NALCN: variants seen among roughly 807,000 people sequenced by gnomAD.
The protein encoded by NALCN is sodium leak channel NALCN.
In NALCN, 111 loss-of-function variants were observed where a neutral mutation model predicts 225.3. The observed-to-expected ratio is 0.49, with a 90% CI of 0.42 to 0.58. The LOEUF (loss-of-function observed/expected upper bound fraction) is 0.58. Among genes scored for constraint, NALCN ranks in the 20% least tolerant of loss-of-function variants. The probability of loss-of-function intolerance (pLI) is 0.00; values close to 1 mark genes in which losing one functional copy is unlikely to be tolerated. For synonymous variants in NALCN, 764 were observed against 769.0 expected (o/e 0.99, Z 0.11); for missense variants, 1,378 against 2,202.4 (o/e 0.63, Z 7.49).
intron 10 of NALCN, among the ~76,000 whole-genome samples, chr13:101,265,788 T>C (rs2042576331): frequency 6.6e-6 from 1 of 152,152 alleles, no homozygotes. Flanking sequence ...ATCTTAGACA[T>C]TGTGAGCCCA....
chr13:101,106,870 C>T (rs2035143076), intron 22 of NALCN, among the ~76,000 whole-genome samples: 1 of 152,140 alleles, frequency 6.6e-6, no homozygotes, highest in Non-Finnish European at 1.5e-5. Context: ...TGGACTCATA[C>T]AGGTATGCTT....
At chr13:101,348,623 A>G (rs1323185936) in intron 6 of NALCN, among the ~76,000 whole-genome samples, 1 of 152,170 alleles carries the variant, frequency 6.6e-6, no homozygotes, top group African/African-American at 2.4e-5. Context: ...TAATTTATAA[A>G]TATTAGAGTA....
At chr13:101,388,871 T>C (rs2047064002) in intron 3 of NALCN, among the ~76,000 whole-genome samples, 1 of 152,252 alleles carries the variant, frequency 6.6e-6, no homozygotes, top group African/African-American at 2.4e-5. Flanking sequence ...GATCTTTCAA[T>C]GCATGGGCAA....
chr13:101,291,349 T>C (rs2139045177), intron 9 of NALCN, among the ~76,000 whole-genome samples: 1 of 152,214 alleles, frequency 6.6e-6, no homozygotes, highest in East Asian at 1.9e-4. Context: ...AATTCCATAG[T>C]GGTTGCATTT....
Position 101,278,277 on chromosome 13 carries a change from C to T in NALCN, c.1134+5656G>A, listed in dbSNP as rs1449988326. On this transcript the variant is annotated intron_variant, in intron 10 of 43. Coordinates refer to ENST00000251127, the MANE Select transcript of NALCN (RefSeq NM_052867.4). ...CAGTGGCTCACACCTGTAATCCCAG[C>T]ACTTTGGGAGGCCGAGGTGGGCGGA... is the stretch of plus-strand genomic sequence containing the variant. Among the ~76,000 whole-genome samples, 5 of 152,082 alleles carry T rather than the reference C, an allele frequency of 3.3e-5. No individual in the cohort carries two copies. In the East Asian group the frequency reaches 9.6e-4, roughly 29 times the overall value.
chr13:101,250,031 T>A (rs1270154882), intron 11 of NALCN, among the ~76,000 whole-genome samples: 1 of 152,100 alleles, frequency 6.6e-6, no homozygotes. Context: ...TGTAGTAAAG[T>A]TGCTGGCTAT....
intron 7 of NALCN, among the ~76,000 whole-genome samples, chr13:101,315,808 A>G (rs989248530): frequency 1.3e-5 from 2 of 152,148 alleles, no homozygotes; most frequent in Non-Finnish European, 2.9e-5. Context: ...TTACCCTAAG[A>G]GGGTAAAAAT....
At chr13:101,116,350 T>C (rs759506727) in intron 18 of NALCN, 1 of 257,206 alleles carries the variant, frequency 3.9e-6, no homozygotes, top group African/African-American at 2.2e-5. Flanking sequence ...TTATGGACGT[T>C]GGGGAAAGAG....
At chr13:101,240,460 T>C (rs1461266851) in intron 11 of NALCN, among the ~76,000 whole-genome samples, 4 of 152,056 alleles carry the variant, frequency 2.6e-5, no homozygotes, top group South Asian at 2.1e-4. Flanking sequence ...CCCACTTTAC[T>C]AGATTCTTCT....
chr13:101,373,019 T>A (rs774731977), intron 6 of NALCN: 10 of 376,258 alleles, frequency 2.7e-5, no homozygotes, highest in Non-Finnish European at 5.2e-5. Flanking sequence ...AAAAAGATAA[T>A]CAGACATTCA....
chr13:101,081,617 A>T lies in NALCN; in HGVS notation c.3795T>A (p.Pro1265=). ...EVTMKIIAMS[P]AGFWQSRRNR... is the part of the protein sequence containing the mutation. ...TTCTTCTGCTTTGCCAGAAGCCAGC[A>T]GGCGACATTGCTATGATCTTCATGG... Residue 1265 remains proline, a synonymous_variant, in exon 34 of 44, where the codon CCT becomes CCA. Coordinates refer to ENST00000251127, the MANE Select transcript of NALCN (RefSeq NM_052867.4). 1.9e-6 allele frequency: 3 copies of T among 1,614,206 alleles called. No homozygotes were observed. Among genetic ancestry groups the T allele is most frequent in the Non-Finnish European group, 2.5e-6 (3 of 1,180,016 alleles).
At chr13:101,101,060 G>A (rs1203292829) in intron 26 of NALCN, among the ~76,000 whole-genome samples, 172 bp from the exon 27 acceptor site, 2 of 151,980 alleles carry the variant, frequency 1.3e-5, no homozygotes, top group African/African-American at 4.8e-5. Flanking sequence ...TTACTGGAAG[G>A]TCAAAAGGAG....
intron 1 of NALCN, among the ~76,000 whole-genome samples, chr13:101,403,752 A>G (rs2047542744): frequency 6.6e-6 from 1 of 152,216 alleles, no homozygotes; most frequent in African/African-American, 2.4e-5. Context: ...AGTGCAAGTG[A>G]AATTGTTTAT....
At position 101,366,253 on chromosome 13, in the gene NALCN, TG is replaced by T. The variant is rs1170490781; in HGVS notation, c.644+10446del. The stretch of plus-strand genomic sequence containing the variant: ...GAAGAATCTAAAGCTTTACTAGTAC[TG>T]CTACTGAAGACATAACTAAGATTTC... On this transcript the variant is annotated intron_variant, in intron 6 of 43. Coordinates refer to ENST00000251127, the MANE Select transcript of NALCN (RefSeq NM_052867.4). Among the ~76,000 whole-genome samples, 3 of 152,292 alleles carry T rather than the reference TG, an allele frequency of 2.0e-5. No homozygotes were observed. In the East Asian group the frequency reaches 5.8e-4, roughly 29 times the overall value.
chr13:101,411,452 C>T (rs2139559302), intron 1 of NALCN, among the ~76,000 whole-genome samples: 1 of 151,718 alleles, frequency 6.6e-6, no homozygotes, highest in East Asian at 2.0e-4. Context: ...AAATGATTCG[C>T]CTGCCTCAGC....
At chr13:101,321,971 A>G (rs906268116) in intron 7 of NALCN, among the ~76,000 whole-genome samples, 3 of 152,204 alleles carry the variant, frequency 2.0e-5, no homozygotes, top group Non-Finnish European at 4.4e-5. Context: ...CAAGAAATAT[A>G]TGAACTGTAA....
At chr13:101,266,918 A>G (rs1313249871) in intron 10 of NALCN, among the ~76,000 whole-genome samples, 2 of 152,352 alleles carry the variant, frequency 1.3e-5, no homozygotes, top group South Asian at 4.1e-4. Flanking sequence ...TGAAAAAGGT[A>G]ACACTTATAT....
At chr13:101,183,751 G>A (rs927105810) in intron 14 of NALCN, among the ~76,000 whole-genome samples, 8 of 151,926 alleles carry the variant, frequency 5.3e-5, no homozygotes, top group African/African-American at 1.5e-4. Flanking sequence ...GAGCCACCAC[G>A]CCTGGCCCGA....
At chr13:101,132,916 T>C (rs2036587501) in intron 17 of NALCN, among the ~76,000 whole-genome samples, 1 of 151,310 alleles carries the variant, frequency 6.6e-6, no homozygotes, top group Non-Finnish European at 1.5e-5. Flanking sequence ...TAACCAACTT[T>C]TTGTTTGTTC....
Sources: allele counts gnomAD v4.1 joint callset (sites outside exome capture counted in the v4.1 genomes callset), GRCh38; gene constraint gnomAD v4.1.1; transcripts MANE v1.5; gene names NCBI Gene and HGNC (gene_info 2026-07-23, HGNC 2026-07-21).